MSRA: variants seen among roughly 807,000 people sequenced by gnomAD.
MSRA encodes the protein mitochondrial peptide methionine sulfoxide reductase.
In MSRA, 54 loss-of-function variants were observed where a neutral mutation model predicts 31.3. The observed-to-expected ratio is 1.73, with a 90% CI of 1.39 to 2.17. The LOEUF (loss-of-function observed/expected upper bound fraction) is 2.17, where lower values mean the gene tolerates loss of function less well. Among genes scored for constraint, MSRA ranks in the 30% most tolerant of loss-of-function variants. The probability of loss-of-function intolerance (pLI) is 0.00; values close to 1 mark genes in which losing one functional copy is unlikely to be tolerated. For synonymous variants in MSRA, 169 were observed against 116.5 expected (o/e 1.45, Z -2.90); for missense variants, 507 against 300.9 (o/e 1.69, Z -5.07).
At chr8:10,289,447 G>C (rs1283415540) in intron 3 of MSRA, among the ~76,000 whole-genome samples, 1 of 152,114 alleles carries the variant, frequency 6.6e-6, no homozygotes, top group Non-Finnish European at 1.5e-5. Context: ...ACAGGATGCA[G>C]TGTGTAGGAA....
chr8:10,353,698 C>G (rs1156599897), intron 5 of MSRA: 2 of 455,818 alleles, frequency 4.4e-6, no homozygotes, highest in Admixed American at 2.4e-5. Context: ...CTCTCCTTGT[C>G]TGTCCCTGTA....
chr8:10,257,498 C>G (rs148964507), intron 3 of MSRA, among the ~76,000 whole-genome samples: 1 of 152,144 alleles, frequency 6.6e-6, no homozygotes, highest in African/African-American at 2.4e-5. Flanking sequence ...CCCCCGCCTC[C>G]CTGGCTCAAG....
intron 5 of MSRA, among the ~76,000 whole-genome samples, chr8:10,380,371 C>A (rs912773208): frequency 4.6e-5 from 7 of 152,292 alleles, no homozygotes; most frequent in Admixed American, 3.3e-4. Flanking sequence ...GAGGGCCTTC[C>A]CTGCACTGTA....
At chr8:10,402,196 C>G (rs1807508419) in intron 5 of MSRA, among the ~76,000 whole-genome samples, 1 of 152,130 alleles carries the variant, frequency 6.6e-6, no homozygotes, top group South Asian at 2.1e-4. Flanking sequence ...TGCCTGTCAC[C>G]CAGGGATTCA....
At chr8:10,345,919 A>C (rs1371752279) in intron 5 of MSRA, among the ~76,000 whole-genome samples, 1 of 152,204 alleles carries the variant, frequency 6.6e-6, no homozygotes, top group African/African-American at 2.4e-5. Flanking sequence ...TACTTTATTT[A>C]GTTTAATCTC....
intron 1 of MSRA, among the ~76,000 whole-genome samples, chr8:10,134,390 A>G (rs889997244): frequency 6.6e-6 from 1 of 152,232 alleles, no homozygotes; most frequent in Non-Finnish European, 1.5e-5. Context: ...GGCAGCAGAC[A>G]GACTGCAGAT....
chr8:10,065,292 A>T (rs1209750613), intron 1 of MSRA, among the ~76,000 whole-genome samples: 1 of 152,154 alleles, frequency 6.6e-6, no homozygotes, highest in African/African-American at 2.4e-5. Flanking sequence ...CTGGGAAAGC[A>T]CCTGACACCA....
intron 3 of MSRA, among the ~76,000 whole-genome samples, chr8:10,293,350 C>G (rs1243997098): frequency 2.0e-5 from 3 of 152,200 alleles, no homozygotes; most frequent in African/African-American, 7.2e-5. Flanking sequence ...CATTTGGATT[C>G]CTGCTCTTGC....
At chr8:10,103,234 A>C (rs1448385930) in intron 1 of MSRA, among the ~76,000 whole-genome samples, 1 of 152,242 alleles carries the variant, frequency 6.6e-6, no homozygotes, top group East Asian at 1.9e-4. Flanking sequence ...AGTATATTAA[A>C]AATAGTCAGA....
At chr8:10,111,396 T>A (rs1485260360) in intron 1 of MSRA, among the ~76,000 whole-genome samples, 2 of 152,216 alleles carry the variant, frequency 1.3e-5, no homozygotes, top group Admixed American at 1.3e-4. Flanking sequence ...CTTATTCTTG[T>A]CTTGTTTGTG....
At chr8:10,217,161 TG>T (rs1810064234) in intron 2 of MSRA, among the ~76,000 whole-genome samples, 1 of 152,352 alleles carries the variant, frequency 6.6e-6, no homozygotes, top group Non-Finnish European at 1.5e-5. Flanking sequence ...TGTACACGTT[TG>T]GGGGAATCAC....
intron 1 of MSRA, among the ~76,000 whole-genome samples, chr8:10,069,189 A>T (rs965907073): frequency 3.3e-5 from 5 of 152,224 alleles, no homozygotes; most frequent in Non-Finnish European, 4.4e-5. Flanking sequence ...CTACATAGAC[A>T]GTCATGTCAT....
chr8:10,147,832 C>G (rs1205917127), intron 1 of MSRA, among the ~76,000 whole-genome samples: 3 of 152,216 alleles, frequency 2.0e-5, no homozygotes, highest in Non-Finnish European at 2.9e-5. Flanking sequence ...TCTGGACTGT[C>G]ACTCCAGCGA....
At chr8:10,237,296 G>A (rs1000227346) in intron 2 of MSRA, among the ~76,000 whole-genome samples, 3 of 152,202 alleles carry the variant, frequency 2.0e-5, no homozygotes, top group Non-Finnish European at 4.4e-5. Context: ...TGTTGGGTTA[G>A]GTTACATCTG....
At chr8:10,260,111 A>G (rs1263962929) in intron 3 of MSRA, among the ~76,000 whole-genome samples, 3 of 152,254 alleles carry the variant, frequency 2.0e-5, no homozygotes, top group Non-Finnish European at 4.4e-5. Flanking sequence ...TTGATGCACA[A>G]TAATGATATG....
rs186359974 is a variant in MSRA at position 10,273,795 on chromosome 8, A to T, written c.332-27739A>T. Among the ~76,000 whole-genome samples the T allele has an allele frequency of 3.3e-3, 497 of 152,048 alleles. 22 individuals carry two copies. The highest frequency in any genetic ancestry group is 0.031 in the Admixed American group (474 of 15,288). The stretch of plus-strand genomic sequence containing the variant: ...TAGGGCTACTTTTCAGGCAACACAA[A>T]CTATTCCAATTACTTCAAGCAGAAC... On this transcript the variant is annotated intron_variant, in intron 3 of 5. Coordinates refer to ENST00000317173, the MANE Select transcript of MSRA (RefSeq NM_012331.5).
At chr8:10,071,041 A>G (rs899785433) in intron 1 of MSRA, among the ~76,000 whole-genome samples, 1 of 152,206 alleles carries the variant, frequency 6.6e-6, no homozygotes, top group African/African-American at 2.4e-5. Context: ...GGGCACTTAC[A>G]TGTGATAATT....
chr8:10,095,121 C>G (rs1057205885), intron 1 of MSRA, among the ~76,000 whole-genome samples: 1 of 152,192 alleles, frequency 6.6e-6, no homozygotes, highest in Non-Finnish European at 1.5e-5. Flanking sequence ...TCCCATGAGT[C>G]TTTGCGGCAG....
chr8:10,091,535 A>G (rs1798852252), intron 1 of MSRA, among the ~76,000 whole-genome samples: 1 of 151,296 alleles, frequency 6.6e-6, no homozygotes, highest in Non-Finnish European at 1.5e-5. Flanking sequence ...GGGAGTACAC[A>G]TTGTCTTCAG....
Sources: gnomAD v4.1 joint callset for allele counts (sites outside exome capture counted in the v4.1 genomes callset) on GRCh38, gnomAD v4.1.1 for gene constraint, MANE v1.5 for transcripts, NCBI Gene and HGNC (gene_info 2026-07-23, HGNC 2026-07-21) for gene names.